Variants in TP53BP1 observed in about 807,000 individuals in gnomAD.
The protein encoded by TP53BP1 is TP53-binding protein 1.
In TP53BP1, 61 loss-of-function variants were observed where a neutral mutation model predicts 200.8. The observed-to-expected ratio is 0.30, with a 90% CI of 0.25 to 0.38. The LOEUF (loss-of-function observed/expected upper bound fraction) is 0.38, where lower values mean the gene tolerates loss of function less well. TP53BP1 is among the 10% of genes least tolerant of loss of function. The probability of loss-of-function intolerance (pLI) is 1.00; values close to 1 mark genes in which losing one functional copy is unlikely to be tolerated. For synonymous variants in TP53BP1, 822 were observed against 844.3 expected (o/e 0.97, Z 0.46); for missense variants, 2,144 against 2,371.9 (o/e 0.90, Z 2.00).
chr15:43,447,288 A>G, intron 13 of TP53BP1, 78 bp downstream of exon 13: 1 of 1,478,762 alleles, frequency 6.8e-7, no homozygotes, highest in Admixed American at 2.3e-5. Flanking sequence ...CCAACTCCTC[A>G]GATCTAAAAT....
At chr15:43,415,398 C>T (rs771849284) in intron 23 of TP53BP1, 196 bp downstream of exon 23, 7 of 703,730 alleles carry the variant, frequency 9.9e-6, no homozygotes, top group Non-Finnish European at 1.8e-5. Flanking sequence ...TATCTACCCG[C>T]ACTAGAGTCT....
In TP53BP1 at chr15:43,474,722, A is replaced by G. The variant is rs542753360; in HGVS notation, c.1131T>C (p.Ser377=). The change falls in exon 10 of 28, where the codon TCT becomes TCC. Residue 377 remains serine, a synonymous_variant. Transcript: ENST00000382044. ...GACTGCTAGGAACGATAAAAGGAGT[A>G]GATCGGAAAGCATCAGGAGAAGGAG... ...LVAPSPDAFR[S]TPFIVPSSPT... is the part of the protein sequence containing the mutation. 1.2e-6 allele frequency: 2 copies of G among 1,613,694 alleles called. No homozygotes were observed. Among genetic ancestry groups the G allele is most frequent in the South Asian group, 1.1e-5 (1 of 91,068 alleles).
chr15:43,474,960 C>T (rs2078859137), intron 9 of TP53BP1, among the ~76,000 whole-genome samples, 193 bp from the exon 10 acceptor site: 1 of 152,166 alleles, frequency 6.6e-6, no homozygotes, highest in African/African-American at 2.4e-5. Context: ...CCACACCAGA[C>T]ATTTCTGTTG....
At chr15:43,441,604 G>T in intron 14 of TP53BP1, 21 bp from the exon 15 acceptor site, 1 of 1,573,906 alleles carries the variant, frequency 6.4e-7, no homozygotes, top group Non-Finnish European at 8.7e-7. Flanking sequence ...ACAAAACCAA[G>T]GAGAGAAAGG....
chr15:43,413,198 G>C lies in TP53BP1; in HGVS notation c.5226C>G (p.Thr1742=). The part of the protein sequence containing the change: ...TLFLGYAFLL[T]MATTSDKLAS... ...CCAACTTGTCACTGGTTGTGGCCAT[G>C]GTAAGGAGAAATGCGTAGCCCAGAA... is the stretch of plus-strand genomic sequence containing the variant. The change falls in exon 24 of 28, where the codon ACC becomes ACG. Residue 1742 remains threonine (T), a synonymous_variant. Transcript: ENST00000382044. The C allele has an allele frequency of 1.2e-6, 2 of 1,614,204 alleles. No individual in the cohort carries two copies. The highest frequency in any genetic ancestry group is 1.7e-6 in the Non-Finnish European group (2 of 1,180,042).
At position 43,475,999 on chromosome 15, in the gene TP53BP1, T is replaced by C. The variant is rs149286952; in HGVS notation, c.956-305A>G. Among the ~76,000 whole-genome samples, 723 of 152,316 alleles carry C rather than the reference T, an allele frequency of 4.7e-3. 2 individuals carry two copies. Among genetic ancestry groups the C allele is most frequent in the African/African-American group, 0.015 (604 of 41,558 alleles). Reference sequence around the variant, plus strand: ...CAGAATCCTGGATGGGCGCAGTGGCTCACACCTGTAATCCTAGCACTTTGG... The same window carrying C: ...CAGAATCCTGGATGGGCGCAGTGGCCCACACCTGTAATCCTAGCACTTTGG... On this transcript the variant is annotated intron_variant, in intron 8 of 27. Transcript: ENST00000382044.
chr15:43,489,268 C>A (rs2079088610), intron 4 of TP53BP1, among the ~76,000 whole-genome samples: 1 of 152,252 alleles, frequency 6.6e-6, no homozygotes, highest in African/African-American at 2.4e-5. Context: ...CTTTAAAGCA[C>A]ATGCCACAGT....
At chr15:43,504,693 G>A (rs1692879893) in intron 1 of TP53BP1, among the ~76,000 whole-genome samples, 1 of 152,188 alleles carries the variant, frequency 6.6e-6, no homozygotes, top group African/African-American at 2.4e-5. Flanking sequence ...AAAAAGGCAA[G>A]TGGTTCAGAC....
chr15:43,446,655 A>T, intron 13 of TP53BP1, 65 bp from the exon 14 acceptor site: 1 of 1,578,702 alleles, frequency 6.3e-7, no homozygotes, highest in Non-Finnish European at 8.6e-7. Context: ...AAAAACAGCA[A>T]TTCAAGGTCA....
chr15:43,470,189 T>C lies in TP53BP1; in HGVS notation c.1181-123A>G. The C allele has an allele frequency of 7.3e-6, 6 of 820,178 alleles. No individual in the cohort carries two copies. The South Asian group carries it at 8.7e-5, about 12-fold the overall frequency. 50.8% of individuals were successfully genotyped at this position (820,178 alleles called of 1,614,324 possible). On this transcript the variant is annotated intron_variant, in intron 10 of 27. Transcript: ENST00000382044. Reference sequence around the variant, plus strand: ...CTCTAAAAAAATAGTGACGTAATTTTTCAGAAAAGCTGACAGAATAATAGT... The same window carrying C: ...CTCTAAAAAAATAGTGACGTAATTTCTCAGAAAAGCTGACAGAATAATAGT...
intron 1 of TP53BP1, among the ~76,000 whole-genome samples, chr15:43,499,051 C>T (rs1215308000): frequency 1.3e-5 from 2 of 151,706 alleles, no homozygotes; most frequent in East Asian, 3.8e-4. Flanking sequence ...ACCAGTTACT[C>T]CTAAACTCTT....
At chr15:43,495,495 T>TCACACACACACACACACACACA (rs376410840), upstream of TP53BP1, among the ~76,000 whole-genome samples, 7 of 133,350 alleles carry the variant, frequency 5.2e-5, no homozygotes, top group African/African-American at 2.0e-4. Context: ...TGAGACTCCG[T>TCACACACACACACACACACACA]CACACACACA....
intron 13 of TP53BP1, chr15:43,447,150 C>G: frequency 1.8e-6 from 1 of 551,840 alleles, no homozygotes; most frequent in East Asian, 3.4e-5. Context: ...TATTCTCTTT[C>G]TTTCTTACTT....
Position 43,404,862 on chromosome 15 carries a change from C to T in TP53BP1, c.*2521G>A, listed in dbSNP as rs562419062. 2.9e-5 allele frequency: 14 copies of T among 484,982 alleles called. No individual in the cohort carries two copies. The highest frequency in any genetic ancestry group is 7.3e-5 in the East Asian group (2 of 27,390). The allele number at this position is 484,982 out of a possible 1,614,324, so 30.0% of individuals were successfully genotyped here. A position where few individuals can be genotyped will look rare whatever the true frequency, so the allele number is the denominator to read the frequency against. ...TTCTGATATGAACTAGCTGTGCAGCCGTGGGCACCCCGCCTTGCTGGTCCC... is the reference window on the plus strand; with the variant it reads ...TTCTGATATGAACTAGCTGTGCAGCTGTGGGCACCCCGCCTTGCTGGTCCC... On this transcript the variant is annotated 3_prime_UTR_variant, in exon 28 of 28. Transcript: ENST00000382044.
intron 21 of TP53BP1, among the ~76,000 whole-genome samples, chr15:43,418,897 T>C (rs994784726): frequency 1.3e-5 from 2 of 151,930 alleles, no homozygotes; most frequent in Non-Finnish European, 2.9e-5. Context: ...GAAGAGAGTA[T>C]GGAAAGGGAA....
Position 43,446,450 on chromosome 15 carries a change from T to C in TP53BP1, c.2977A>G (p.Arg993Gly). The C allele has an allele frequency of 6.2e-7, 1 of 1,614,166 alleles. No individual in the cohort carries two copies. The highest frequency in any genetic ancestry group is 8.5e-7 in the Non-Finnish European group (1 of 1,180,036). The change falls in exon 14 of 28, where the codon AGA becomes GGA. Residue 993 changes from arginine to glycine, a missense_variant. Around this residue, in one of 4 missense-constraint regions of TP53BP1, gnomAD observed 1,700 missense variants for 1,710.3 expected, o/e 0.99. Transcript: ENST00000382044. ...APDVDDKLCLRMKLVSPETEA... is the reference protein window; with the variant it reads ...APDVDDKLCLGMKLVSPETEA... ...GTCTCAGGACTAACCAGTTTCATTC[T>C]TAGACATAATTTATCATCCACGTCT...
chr15:43,509,795 T>C (rs550372895), intron 1 of TP53BP1, among the ~76,000 whole-genome samples: 2 of 152,222 alleles, frequency 1.3e-5, no homozygotes, highest in African/African-American at 4.8e-5. Flanking sequence ...TGTTCCTTTC[T>C]TTCCTGTACT....
intron 15 of TP53BP1, 28 bp from the exon 16 acceptor site, chr15:43,438,444 T>A: frequency 6.4e-7 from 1 of 1,556,236 alleles, no homozygotes; most frequent in Non-Finnish European, 8.7e-7. Context: ...AGCAATATAT[T>A]GTTAACTTTG....
Position 43,404,678 on chromosome 15 carries a change from A to G in TP53BP1, c.*2705T>C, listed in dbSNP as rs2044798582. Reference sequence around the variant, plus strand: ...CATTTTATAAGTAAGGCTTAGAGATAGAGGTGTGACCATCTTTAATAATTT... The same window carrying G: ...CATTTTATAAGTAAGGCTTAGAGATGGAGGTGTGACCATCTTTAATAATTT... On this transcript the variant is annotated 3_prime_UTR_variant, in exon 28 of 28. Transcript: ENST00000382044. The G allele has an allele frequency of 7.0e-6, 7 of 1,004,332 alleles. No individual in the cohort carries two copies. Among genetic ancestry groups the G allele is most frequent in the Admixed American group, 2.5e-5 (1 of 39,282 alleles). The allele number at this position is 1,004,332 out of a possible 1,614,324, so 62.2% of individuals were successfully genotyped here. A position where few individuals can be genotyped will look rare whatever the true frequency, so the allele number is the denominator to read the frequency against.
Sources: gnomAD v4.1 joint callset for allele counts (sites outside exome capture counted in the v4.1 genomes callset) on GRCh38, gnomAD v4.1.1 for gene constraint, gnomAD v4.1.1 regional missense constraint, MANE v1.5 for transcripts, NCBI Gene and HGNC (gene_info 2026-07-23, HGNC 2026-07-21) for gene names.